Variants in ROBO2 observed in about 807,000 individuals in gnomAD.
ROBO2 encodes roundabout guidance receptor 2.
ROBO2 carries 53 observed loss-of-function variants against 160.8 expected under a neutral mutation model. The observed-to-expected ratio is 0.33, with a 90% CI of 0.26 to 0.41. The LOEUF is 0.41. Among genes scored for constraint, ROBO2 ranks in the 10% least tolerant of loss-of-function variants. The probability of loss-of-function intolerance (pLI) is 1.00; values close to 1 mark genes in which losing one functional copy is unlikely to be tolerated. For synonymous variants in ROBO2, 664 were observed against 611.7 expected, an observed-to-expected ratio of 1.09 and a Z score of -1.26; for missense variants, 1,577 against 1,722.4, an observed-to-expected ratio of 0.92 and a Z score of 1.49.
intron 2 of ROBO2, among the ~76,000 whole-genome samples, chr3:76,978,973 T>C (rs2059954113): frequency 6.6e-6 from 1 of 151,562 alleles, no homozygotes. Context: ...AACAGGGTCT[T>C]GCCCTGTTGC....
At position 77,179,130 on chromosome 3, in the gene ROBO2, A is replaced by T. The variant is rs182024992; in HGVS notation, c.388+80790A>T. ...TGAAAATGAAAGGCTATTTTTTTTT[A>T]AAAATCTGTCTTTTCCTAATAAAAA... On this transcript the variant is annotated intron_variant, in intron 2 of 25. Transcript: ENST00000461745. Among the ~76,000 whole-genome samples, 274 of 150,438 alleles carry T rather than the reference A, an allele frequency of 1.8e-3. 1 individual carries two copies. The highest frequency in any genetic ancestry group is 0.017 in the East Asian group (85 of 5,078).
intron 2 of ROBO2, among the ~76,000 whole-genome samples, chr3:77,430,720 T>G (rs2078682684): frequency 6.6e-6 from 1 of 152,154 alleles, no homozygotes; most frequent in South Asian, 2.1e-4. Flanking sequence ...AACTCAACCT[T>G]GGACTTCCTA....
chr3:77,530,730 G>A (rs773483009), intron 6 of ROBO2, among the ~76,000 whole-genome samples: 18 of 151,872 alleles, frequency 1.2e-4, no homozygotes, highest in Non-Finnish European at 2.2e-4. Context: ...AAATCCACAA[G>A]CCCTTCCTGT....
intron 2 of ROBO2, among the ~76,000 whole-genome samples, chr3:77,380,844 T>C (rs1305978568): frequency 6.6e-6 from 1 of 152,062 alleles, no homozygotes; most frequent in Non-Finnish European, 1.5e-5. Context: ...ATGGCAAATG[T>C]TTTAAACCCT....
chr3:76,272,171 G>A (rs1015186538), intron 2 of ROBO2, among the ~76,000 whole-genome samples: 1 of 152,070 alleles, frequency 6.6e-6, no homozygotes, highest in Non-Finnish European at 1.5e-5. Context: ...CAAATTAAAT[G>A]TTTTGTGTCC....
At chr3:77,608,643 T>C (rs1432913663) in intron 21 of ROBO2, among the ~76,000 whole-genome samples, 40 of 152,190 alleles carry the variant, frequency 2.6e-4, no homozygotes, top group Middle Eastern at 3.2e-3. Context: ...TTTTTTATCC[T>C]CTAATTCCAA....
intron 2 of ROBO2, among the ~76,000 whole-genome samples, chr3:76,453,790 T>C (rs1370700950): frequency 6.6e-6 from 1 of 152,156 alleles, no homozygotes; most frequent in Non-Finnish European, 1.5e-5. Context: ...AATGAATCTG[T>C]ATTTTGTGAT....
At chr3:77,173,560 G>A (rs868021143) in intron 2 of ROBO2, among the ~76,000 whole-genome samples, 1 of 151,904 alleles carries the variant, frequency 6.6e-6, no homozygotes. Flanking sequence ...ATGTGGTCCT[G>A]GGGAAGTAAC....
chr3:76,589,493 G>A (rs1346996404), intron 2 of ROBO2, among the ~76,000 whole-genome samples: 2 of 152,058 alleles, frequency 1.3e-5, no homozygotes, highest in African/African-American at 2.4e-5. Context: ...TAGTAGAGAC[G>A]GGGTTTCACC....
rs115045056 is a variant in ROBO2, at chr3:76,577,828, G to A, written c.110-520186G>A. 3.1e-3 allele frequency among the ~76,000 whole-genome samples: 466 copies of A among 152,250 alleles called. 2 individuals carry two copies. The highest frequency in any genetic ancestry group is 0.011 in the African/African-American group (457 of 41,546). ...ATCTGAAGAATCATTCACAAGTGAT[G>A]AGATAAGAAATAGGTCCAGTCTCAT... On this transcript the variant is annotated intron_variant, in intron 2 of 26. Coordinates refer to the ROBO2 transcript ENST00000487694.
At chr3:77,074,560 G>T in intron 1 of ROBO2, among the ~76,000 whole-genome samples, 1 of 152,178 alleles carries the variant, frequency 6.6e-6, no homozygotes, top group East Asian at 1.9e-4. Flanking sequence ...GATGGAAGAA[G>T]AACCGATACA....
chr3:76,794,417 G>GT (rs957860644), intron 2 of ROBO2, among the ~76,000 whole-genome samples: 2 of 151,848 alleles, frequency 1.3e-5, no homozygotes, highest in Non-Finnish European at 2.9e-5. Context: ...CATAATAAAG[G>GT]TTATTAAACA....
At chr3:76,540,007 C>G (rs2082729128) in intron 2 of ROBO2, among the ~76,000 whole-genome samples, 1 of 152,060 alleles carries the variant, frequency 6.6e-6, no homozygotes, top group Non-Finnish European at 1.5e-5. Context: ...ATAGTTAACA[C>G]AGATATTTCC....
chr3:77,292,691 T>G (rs2061455574), intron 2 of ROBO2, among the ~76,000 whole-genome samples: 1 of 95,554 alleles, frequency 1.0e-5, no homozygotes, highest in South Asian at 3.3e-4. Context: ...ACGGGTAAGC[T>G]GAGGCTAGAT....
chr3:77,317,493 G>T, intron 2 of ROBO2: 3 of 1,495,842 alleles, frequency 2.0e-6, no homozygotes, highest in Non-Finnish European at 2.8e-6. Context: ...TGTAAACTCC[G>T]ATCCATCCTC....
chr3:76,857,469 A>G (rs545895918), intron 2 of ROBO2, among the ~76,000 whole-genome samples: 2 of 152,196 alleles, frequency 1.3e-5, no homozygotes, highest in African/African-American at 2.4e-5. Context: ...CTAGCCTATT[A>G]TTGAACTCAA....
At chr3:76,400,149 GT>G (rs927188776) in intron 2 of ROBO2, among the ~76,000 whole-genome samples, 69 of 151,732 alleles carry the variant, frequency 4.5e-4, no homozygotes, top group African/African-American at 1.6e-3. Context: ...TTAACAAGAA[GT>G]TTGCACTTGG....
intron 2 of ROBO2, among the ~76,000 whole-genome samples, chr3:76,136,845 T>A (rs938602300): frequency 3.3e-5 from 5 of 152,074 alleles, no homozygotes; most frequent in African/African-American, 1.2e-4. Context: ...ATATTCTAGC[T>A]TTCCAGTCAC....
chr3:77,288,771 G>A (rs1430700121), intron 2 of ROBO2, among the ~76,000 whole-genome samples: 2 of 152,104 alleles, frequency 1.3e-5, no homozygotes, highest in Non-Finnish European at 2.9e-5. Context: ...AAGGAGACGA[G>A]ACCCTACTCA....
Sources: allele counts gnomAD v4.1 joint callset (sites outside exome capture counted in the v4.1 genomes callset), GRCh38; gene constraint gnomAD v4.1.1; transcripts MANE v1.5; gene names NCBI Gene and HGNC (gene_info 2026-07-23, HGNC 2026-07-21).